The following OR6N1 variants were observed in gnomAD, a reference collection of about 807,000 sequenced individuals.
OR6N1 encodes olfactory receptor family 6 subfamily N member 1.
For missense variants in OR6N1, 394 were observed against 371.7 expected (o/e 1.06, Z -0.49); for synonymous variants, 170 against 150.7 (o/e 1.13, Z -0.94).
chr1:158,770,637 A>G (rs1312304047), intron 1 of OR6N1, among the ~76,000 whole-genome samples: 1 of 151,810 alleles, frequency 6.6e-6, no homozygotes, highest in African/African-American at 2.4e-5. Context: ...TATATTTCCA[A>G]CAGCTCATAA....
chr1:158,794,483 A>C, the OR6N1 span, among the ~76,000 whole-genome samples: 1 of 152,146 alleles, frequency 6.6e-6, no homozygotes, highest in African/African-American at 2.4e-5. Context: ...CGAGCCACCC[A>C]GTGGGGATTC....
At chr1:158,776,691 A>T (rs557229335), upstream of OR6N1, 15 of 1,591,842 alleles carry the variant, frequency 9.4e-6, no homozygotes, top group East Asian at 2.0e-4. Flanking sequence ...GTCAAAGATG[A>T]GCAAGACTAG....
rs1333720014 is a variant in OR6N1 at position 158,764,939 on chromosome 1, A to G, written c.*805T>C. The stretch of plus-strand genomic sequence containing the variant: ...TAGTATACTTGTATACTATACAAGT[A>G]TTCCTTCTGGCTGGTTTGCTCCTTT... On this transcript the variant is annotated 3_prime_UTR_variant, in exon 2 of 2. Coordinates refer to ENST00000641846, the MANE Select transcript of OR6N1 (RefSeq NM_001005185.2). 6.6e-6 allele frequency: 1 copy of G among 152,076 alleles called. No individual in the cohort carries two copies. The highest frequency in any genetic ancestry group is 1.5e-5 in the Non-Finnish European group (1 of 67,994). The allele number at this position is 152,076 out of a possible 1,614,324, so 9.4% of individuals were successfully genotyped here.
the OR6N1 span, among the ~76,000 whole-genome samples, chr1:158,812,524 C>T: frequency 5.3e-5 from 8 of 152,110 alleles, no homozygotes; most frequent in African/African-American, 9.7e-5. Flanking sequence ...TCAAGAAATT[C>T]GTGGTTTAGC....
chr1:158,834,679 T>C, the OR6N1 span, among the ~76,000 whole-genome samples: 10 of 152,218 alleles, frequency 6.6e-5, no homozygotes, highest in African/African-American at 1.7e-4. Flanking sequence ...ATCGGTGTCA[T>C]GTCCAAGAAA....
the OR6N1 span, among the ~76,000 whole-genome samples, chr1:158,822,873 G>A: frequency 6.6e-6 from 1 of 152,222 alleles, no homozygotes; most frequent in South Asian, 2.1e-4. Flanking sequence ...TTTATGTTGA[G>A]GTATGTTCCT....
rs16841076 is a variant in OR6N1, at chr1:158,771,783, C to T, written c.-19+238G>A. On this transcript the variant is annotated intron_variant, in intron 1 of 1. Transcript: ENST00000641846. ...TCCAGAAAGGGGAGAAGACTTGTTC[C>T]AGTTTACACAGTTAGTTAAAAATAT... Among the ~76,000 whole-genome samples the T allele has an allele frequency of 3.8e-3, 577 of 152,304 alleles. 1 individual carries two copies. Among genetic ancestry groups the T allele is most frequent in the African/African-American group, 0.013 (534 of 41,564 alleles).
the OR6N1 span, among the ~76,000 whole-genome samples, chr1:158,818,143 A>G: frequency 6.6e-6 from 1 of 151,826 alleles, no homozygotes; most frequent in African/African-American, 2.4e-5. Context: ...CTTTCTTTAT[A>G]TTTCTTTGTC....
chr1:158,790,153 G>A, the OR6N1 span, among the ~76,000 whole-genome samples: 2 of 152,100 alleles, frequency 1.3e-5, no homozygotes, highest in East Asian at 1.9e-4. Context: ...CTGTAAATGT[G>A]TGTATTCATT....
the OR6N1 span, among the ~76,000 whole-genome samples, chr1:158,806,497 AG>A: frequency 1.3e-5 from 2 of 152,164 alleles, no homozygotes; most frequent in Non-Finnish European, 2.9e-5. Flanking sequence ...AAGGGAACTG[AG>A]GTGGAGGGAA....
At chr1:158,792,002 C>T in the OR6N1 span, among the ~76,000 whole-genome samples, 1 of 152,128 alleles carries the variant, frequency 6.6e-6, no homozygotes, top group Admixed American at 6.5e-5. Flanking sequence ...TGTTGAAGTA[C>T]CCCACTATTA....
At chr1:158,837,632 C>G in the OR6N1 span, among the ~76,000 whole-genome samples, 1 of 151,520 alleles carries the variant, frequency 6.6e-6, no homozygotes, top group Non-Finnish European at 1.5e-5. Flanking sequence ...ATACTTGGAT[C>G]CCCTGTTTTT....
chr1:158,781,557 C>T, the OR6N1 span, among the ~76,000 whole-genome samples: 1 of 152,284 alleles, frequency 6.6e-6, no homozygotes, highest in African/African-American at 2.4e-5. Context: ...ATCCTCCCAC[C>T]ACTCTTCTCA....
At chr1:158,801,476 G>A in the OR6N1 span, among the ~76,000 whole-genome samples, 3 of 152,062 alleles carry the variant, frequency 2.0e-5, no homozygotes, top group Non-Finnish European at 4.4e-5. Flanking sequence ...ATTCTCAAAG[G>A]GAATGAGGAG....
the OR6N1 span, among the ~76,000 whole-genome samples, chr1:158,793,869 C>A: frequency 6.6e-5 from 10 of 152,184 alleles, no homozygotes; most frequent in African/African-American, 2.2e-4. Context: ...GCTGCAGAAT[C>A]TCTCAGTGAG....
chr1:158,810,946 C>T, the OR6N1 span, among the ~76,000 whole-genome samples: 1 of 152,058 alleles, frequency 6.6e-6, no homozygotes. Flanking sequence ...AAACCTATGT[C>T]ATAGGGGTTC....
the OR6N1 span, among the ~76,000 whole-genome samples, chr1:158,793,066 A>G: frequency 6.6e-6 from 1 of 152,030 alleles, no homozygotes; most frequent in African/African-American, 2.4e-5. Context: ...TACTGTTAAA[A>G]CTTTTCTCTG....
At chr1:158,780,973 A>G in the OR6N1 span, among the ~76,000 whole-genome samples, 97,220 of 152,114 alleles carry the variant, frequency 0.64, 31,711 homozygotes, top group African/African-American at 0.78. Context: ...GGACAAGATG[A>G]CCTTTAAAGT....
chr1:158,788,008 G>T, the OR6N1 span, among the ~76,000 whole-genome samples: 1 of 152,056 alleles, frequency 6.6e-6, no homozygotes, highest in Non-Finnish European at 1.5e-5. Flanking sequence ...TGATCACAGT[G>T]GAAATGCTAA....
Sources: gnomAD v4.1 joint callset for allele counts (sites outside exome capture counted in the v4.1 genomes callset) on GRCh38, gnomAD v4.1.1 for gene constraint, MANE v1.5 for transcripts, NCBI Gene and HGNC (gene_info 2026-07-23, HGNC 2026-07-21) for gene names.